ALK: variants seen among roughly 807,000 people sequenced by gnomAD.
ALK encodes the protein ALK tyrosine kinase receptor.
Under a neutral mutation model 163.1 loss-of-function variants are expected in ALK, and 74 were observed. That is an observed-to-expected ratio of 0.45 (90% CI 0.38 to 0.55). The LOEUF (loss-of-function observed/expected upper bound fraction) is 0.55. Among genes scored for constraint, ALK ranks in the 20% least tolerant of loss-of-function variants. ALK has a pLI of 0.00. For synonymous variants in ALK, 960 were observed against 843.2 expected, an observed-to-expected ratio of 1.14 and a Z score of -2.40; for missense variants, 2,063 against 2,105.3, an observed-to-expected ratio of 0.98 and a Z score of 0.39.
At chr2:29,331,413 A>G (rs1667435408) in intron 5 of ALK, among the ~76,000 whole-genome samples, 1 of 152,152 alleles carries the variant, frequency 6.6e-6, no homozygotes. Flanking sequence ...GGGTCCTGGA[A>G]TCAATCCCCC....
intron 3 of ALK, among the ~76,000 whole-genome samples, chr2:29,537,012 TG>T (rs1673275572): frequency 6.6e-6 from 1 of 152,150 alleles, no homozygotes; most frequent in Non-Finnish European, 1.5e-5. Flanking sequence ...TGATCAGATA[TG>T]GGAGCAAAGA....
intron 4 of ALK, among the ~76,000 whole-genome samples, chr2:29,431,310 CTG>C: frequency 1.3e-5 from 2 of 152,246 alleles, no homozygotes; most frequent in Non-Finnish European, 2.9e-5. Context: ...GTATTTAAGG[CTG>C]TGTCTACAAG....
At chr2:29,261,234 C>T (rs1558643100) in intron 11 of ALK, among the ~76,000 whole-genome samples, 1 of 152,148 alleles carries the variant, frequency 6.6e-6, no homozygotes, top group South Asian at 2.1e-4. Context: ...TGATACCATG[C>T]AGGTCTTGTG....
intron 12 of ALK, among the ~76,000 whole-genome samples, chr2:29,247,690 T>C (rs931360249): frequency 6.6e-6 from 1 of 152,132 alleles, no homozygotes; most frequent in African/African-American, 2.4e-5. Context: ...CAGGCAATGG[T>C]GGCCCCCCCT....
At chr2:29,236,354 C>A (rs1192573470) in intron 13 of ALK, among the ~76,000 whole-genome samples, 1 of 152,140 alleles carries the variant, frequency 6.6e-6, no homozygotes, top group Non-Finnish European at 1.5e-5. Flanking sequence ...TGATGCCCTC[C>A]CCTCATGAAC....
chr2:29,495,600 T>C (rs772024957), intron 4 of ALK, among the ~76,000 whole-genome samples: 1 of 152,162 alleles, frequency 6.6e-6, no homozygotes, highest in Non-Finnish European at 1.5e-5. Flanking sequence ...ATTATCCAAT[T>C]TGAATGTGCC....
chr2:29,728,435 C>T (rs1679635852), intron 1 of ALK, among the ~76,000 whole-genome samples: 1 of 152,234 alleles, frequency 6.6e-6, no homozygotes, highest in Admixed American at 6.5e-5. Flanking sequence ...CCCCACACTA[C>T]CCTCTTAGAG....
At chr2:29,224,432 C>T (rs1663869915) in intron 19 of ALK, among the ~76,000 whole-genome samples, 1 of 152,080 alleles carries the variant, frequency 6.6e-6, no homozygotes, top group Admixed American at 6.5e-5. Flanking sequence ...ATGAATTCAC[C>T]AACATAAAAT....
At chr2:29,896,891 G>A (rs1174752774) in intron 1 of ALK, among the ~76,000 whole-genome samples, 1 of 152,184 alleles carries the variant, frequency 6.6e-6, no homozygotes, top group Non-Finnish European at 1.5e-5. Context: ...GAAATATTGG[G>A]AAGAATACAC....
intron 4 of ALK, among the ~76,000 whole-genome samples, chr2:29,528,422 C>T (rs186025236): frequency 2.6e-5 from 4 of 152,312 alleles, no homozygotes; most frequent in Admixed American, 2.6e-4. Flanking sequence ...CAGTGGGTGG[C>T]TCCCTAGCCG....
At chr2:29,383,308 A>G (rs1388503322) in intron 5 of ALK, among the ~76,000 whole-genome samples, 1 of 151,914 alleles carries the variant, frequency 6.6e-6, no homozygotes, top group Non-Finnish European at 1.5e-5. Context: ...ACTAGCCCCT[A>G]AAACACTCTA....
intron 5 of ALK, among the ~76,000 whole-genome samples, chr2:29,362,161 A>C (rs1382753384): frequency 6.6e-6 from 1 of 152,200 alleles, no homozygotes; most frequent in African/African-American, 2.4e-5. Context: ...ATCGAAGAGA[A>C]CAGGGGGAAA....
At chr2:29,579,750 T>C (rs2148197038) in intron 3 of ALK, among the ~76,000 whole-genome samples, 2 of 152,180 alleles carry the variant, frequency 1.3e-5, no homozygotes, top group African/African-American at 2.4e-5. Context: ...AGAGGGAAGG[T>C]TGAAAGACCC....
intron 9 of ALK, among the ~76,000 whole-genome samples, chr2:29,280,187 C>A (rs1267433902): frequency 6.6e-6 from 1 of 152,040 alleles, no homozygotes; most frequent in Non-Finnish European, 1.5e-5. Flanking sequence ...ACCATGTAGA[C>A]CACTCTGGGA....
intron 3 of ALK, among the ~76,000 whole-genome samples, chr2:29,584,238 T>C (rs1184955591): frequency 6.6e-6 from 1 of 152,208 alleles, no homozygotes; most frequent in Non-Finnish European, 1.5e-5. Context: ...TCCATGAACA[T>C]TCCATGATAG....
intron 3 of ALK, among the ~76,000 whole-genome samples, chr2:29,550,044 T>C (rs965864816): frequency 2.6e-5 from 4 of 152,186 alleles, no homozygotes; most frequent in African/African-American, 9.7e-5. Context: ...CCCGCTAAAC[T>C]AGGACAAGTC....
intron 1 of ALK, among the ~76,000 whole-genome samples, chr2:29,745,891 C>G (rs1383623557): frequency 1.3e-5 from 2 of 152,214 alleles, no homozygotes; most frequent in Non-Finnish European, 2.9e-5. Context: ...ACCCTGAGAT[C>G]TGTAGAGCTT....
chr2:29,674,534 C>G (rs1476358532), intron 3 of ALK, among the ~76,000 whole-genome samples: 1 of 149,936 alleles, frequency 6.7e-6, no homozygotes, highest in Non-Finnish European at 1.5e-5. Flanking sequence ...ACCATTTGAT[C>G]ATGGTGGATA....
chr2:29,914,003 G>A (rs763316481), intron 1 of ALK, among the ~76,000 whole-genome samples: 52 of 152,088 alleles, frequency 3.4e-4, no homozygotes, highest in Admixed American at 6.5e-4. Flanking sequence ...AAATGATTCC[G>A]CTGTAACATC....
Sources: gnomAD v4.1 joint callset for allele counts (sites outside exome capture counted in the v4.1 genomes callset) on GRCh38, gnomAD v4.1.1 for gene constraint, MANE v1.5 for transcripts, NCBI Gene and HGNC (gene_info 2026-07-23, HGNC 2026-07-21) for gene names.